Variants in TOPORS observed in about 807,000 individuals in gnomAD.
TOPORS encodes TOP1 binding arginine/serine rich protein, E3 ubiquitin ligase, also known as E3 ubiquitin-protein ligase Topors.
Under a neutral mutation model 81.4 loss-of-function variants are expected in TOPORS, and 25 were observed. That is an observed-to-expected ratio of 0.31 (90% CI 0.22 to 0.43). The LOEUF (loss-of-function observed/expected upper bound fraction) is 0.43. Among genes scored for constraint, TOPORS ranks in the 20% least tolerant of loss-of-function variants. The pLI, the probability that TOPORS is intolerant of heterozygous loss-of-function variation, is 1.00. For synonymous variants in TOPORS, 473 were observed against 456.6 expected (o/e 1.04, Z -0.46); for missense variants, 1,101 against 1,267.0 (o/e 0.87, Z 1.99).
rs774228482 is a variant in TOPORS at position 32,543,571 on chromosome 9, G to A, written c.954C>T (p.Val318=). The change falls in exon 3 of 3, where the codon GTC becomes GTT. Residue 318 remains valine (V), a synonymous_variant. Transcript: ENST00000360538. This position sits in a 1 kb window ranked among gnomAD's most constrained non-coding sequence, Gnocchi z 5.6. Reference sequence around the variant, plus strand: ...TAACATTACTCATGATAATATGCTGGACAATATTCACTAAAGATCCATGAG... The same window carrying A: ...TAACATTACTCATGATAATATGCTGAACAATATTCACTAAAGATCCATGAG... The part of the protein sequence containing the change: ...FGAHGSLVNI[V]QHIIMSNVTR... 1 of 1,613,470 alleles carries A rather than the reference G, an allele frequency of 6.2e-7. No homozygotes were observed. Among genetic ancestry groups the A allele is most frequent in the Non-Finnish European group, 8.5e-7 (1 of 1,179,824 alleles).
chr9:32,542,492 C>T lies in TOPORS; in HGVS notation c.2033G>A (p.Gly678Asp). ...ATTTCTGCTCCGTGATCTTCTTTTA[C>T]CATGATCACTGCTACGAGACCTTGA... ...SRSRSRSSDH[G>D]KRRSRSRNRD... The change falls in exon 3 of 3, where the codon GGT becomes GAT. Residue 678 changes from glycine to aspartate, a missense_variant. Gly to Asp is a moderately conservative substitution (Grantham distance 94). Around this residue, in one of 9 missense-constraint regions of TOPORS, gnomAD observed 605 missense variants for 636.1 expected, o/e 0.95. Transcript: ENST00000360538. 6.2e-7 allele frequency: 1 copy of T among 1,613,884 alleles called. No individual in the cohort carries two copies. Among genetic ancestry groups the T allele is most frequent in the East Asian group, 2.2e-5 (1 of 44,860 alleles).
intron 2 of TOPORS, among the ~76,000 whole-genome samples, chr9:32,547,536 T>G (rs1821155728): frequency 6.6e-6 from 1 of 152,172 alleles, no homozygotes; most frequent in South Asian, 2.1e-4. Flanking sequence ...AACAAAGTAC[T>G]GGTACCATGT....
intron 1 of TOPORS, 168 bp downstream of exon 1, chr9:32,552,263 GCCC>G (rs771741214): frequency 1.2e-6 from 1 of 853,074 alleles, no homozygotes; most frequent in African/African-American, 1.7e-5. Context: ...ACGTGATACC[GCCC>G]CCCAACTCCG....
intron 2 of TOPORS, 33 bp from the exon 3 acceptor site, chr9:32,544,359 G>T (rs1821115293): frequency 6.3e-7 from 1 of 1,587,840 alleles, no homozygotes; most frequent in Admixed American, 1.7e-5. Context: ...TCAGTAACCT[G>T]ATAATAGAGG....
At position 32,541,978 on chromosome 9, in the gene TOPORS, T is replaced by C. The variant is rs150650712; in HGVS notation, c.2547A>G (p.Ser849=). 1.5e-4 allele frequency: 235 copies of C among 1,613,838 alleles called. 1 individual carries two copies. In the African/African-American group the frequency reaches 3.0e-3, roughly 20 times the overall value. The change falls in exon 3 of 3, where the codon TCA becomes TCG. Residue 849 remains serine, a synonymous_variant. Coordinates refer to ENST00000360538, the MANE Select transcript of TOPORS (RefSeq NM_005802.5). ...ESDTFSDSRS[S]DRETKHKRRK... ...TCCTTTTGTGTTTTGTCTCTCTGTCTGATGATCGGCTGTCTGAAAAGGTAT... is the reference window on the plus strand; with the variant it reads ...TCCTTTTGTGTTTTGTCTCTCTGTCCGATGATCGGCTGTCTGAAAAGGTAT...
At position 32,542,550 on chromosome 9, in the gene TOPORS, T is replaced by TA; in HGVS notation, c.1974_1975insT (p.Thr659TyrfsTer6). The stretch of plus-strand genomic sequence containing the variant: ...GTGCTTTCACTACTTAGAGACAGAG[T>TA]TTGGCTTCTTCTGGACCAACTGCTA... On this transcript the variant is annotated frameshift_variant, in exon 3 of 3. Coordinates refer to ENST00000360538, the MANE Select transcript of TOPORS (RefSeq NM_005802.5). LOFTEE classifies it high-confidence loss of function. The TA allele has an allele frequency of 6.2e-7, 1 of 1,614,036 alleles. No individual in the cohort carries two copies. Among genetic ancestry groups the TA allele is most frequent in the Non-Finnish European group, 8.5e-7 (1 of 1,180,014 alleles).
At position 32,550,925 on chromosome 9, in the gene TOPORS, C is replaced by A; in HGVS notation, c.47G>T (p.Gly16Val). 6.2e-7 allele frequency: 1 copy of A among 1,612,604 alleles called. No homozygotes were observed. Among genetic ancestry groups the A allele is most frequent in the Non-Finnish European group, 8.5e-7 (1 of 1,179,808 alleles). ...PLGSPLSREEGEAPPPAPASE... is the reference protein window; with the variant it reads ...PLGSPLSREEVEAPPPAPASE... ...AGCGGGAGCAGGCGGGGGCGCTTCA[C>A]CCTCCTCGCGAGACAGCGGAGACCC... The change falls in exon 2 of 3, where the codon GGT (glycine) becomes GTT (valine). Residue 16 changes from glycine (G) to valine (V), a missense_variant. By Grantham distance (109) the Gly-to-Val change is moderately radical. This residue lies in a region of TOPORS where 131 missense variants were observed against 101.0 expected (regional missense o/e 1.30). Transcript: ENST00000360538.
At chr9:32,551,092 ACGCCG>A in intron 1 of TOPORS, 124 bp from the exon 2 acceptor site, 1 of 1,219,420 alleles carries the variant, frequency 8.2e-7, no homozygotes, top group South Asian at 1.3e-5. Context: ...CAGCAGATGG[ACGCCG>A]GCCTCGGGGG....
rs1004231099 is a variant in TOPORS, at chr9:32,543,855, C to A, written c.670G>T (p.Asp224Tyr). ...CTCATAAACTGAGGAATTTCAACAT[C>A]TCTAGGTCTTGTTGAAATGCCTAAC... The part of the protein sequence containing the change: ...EGLGISTRPR[D>Y]VEIPQFMRQI... The change falls in exon 3 of 3, where the codon GAT (aspartate) becomes TAT (tyrosine). Residue 224 changes from aspartate (D) to tyrosine (Y), a missense_variant. Asp to Tyr is a radical substitution (Grantham distance 160). Transcript: ENST00000360538. This position sits in a 1 kb window ranked among gnomAD's most constrained non-coding sequence, Gnocchi z 5.6. 3.7e-6 allele frequency: 6 copies of A among 1,614,088 alleles called. No individual in the cohort carries two copies. Among genetic ancestry groups the A allele is most frequent in the Admixed American group, 1.7e-5 (1 of 60,012 alleles).
chr9:32,542,480 G>A lies in TOPORS; in HGVS notation c.2045C>T (p.Ser682Leu), dbSNP rs930218450. Residue 682 changes from serine (S) to leucine (L), a missense_variant, in exon 3 of 3, where the codon TCA (serine) becomes TTA (leucine). Around this residue, in one of 9 missense-constraint regions of TOPORS, gnomAD observed 605 missense variants for 636.1 expected, o/e 0.95. Transcript: ENST00000360538. ...ATAACGATCTCTATTTCTGCTCCGT[G>A]ATCTTCTTTTACCATGATCACTGCT... The part of the protein sequence containing the change: ...SRSSDHGKRR[S>L]RSRNRDRYYL... 1 of 1,613,722 alleles carries A rather than the reference G, an allele frequency of 6.2e-7. No homozygotes were observed. Among genetic ancestry groups the A allele is most frequent in the Non-Finnish European group, 8.5e-7 (1 of 1,180,012 alleles).
intron 2 of TOPORS, 128 bp from the exon 3 acceptor site, chr9:32,544,454 G>A: frequency 2.1e-6 from 2 of 946,286 alleles, no homozygotes; most frequent in South Asian, 3.3e-5. Flanking sequence ...CATTACTTTT[G>A]TTTTATTTTA....
At chr9:32,551,751 C>A in intron 1 of TOPORS, 1 of 441,708 alleles carries the variant, frequency 2.3e-6, no homozygotes. Context: ...CGCGGCAGTT[C>A]AAGAACATCA....
intron 2 of TOPORS, among the ~76,000 whole-genome samples, chr9:32,544,917 T>A (rs1190827652): frequency 6.6e-6 from 1 of 152,212 alleles, no homozygotes; most frequent in East Asian, 1.9e-4. Flanking sequence ...CCACTAACAA[T>A]ACAGACTACT....
At chr9:32,546,199 G>A (rs1046532354) in intron 2 of TOPORS, among the ~76,000 whole-genome samples, 2 of 152,300 alleles carry the variant, frequency 1.3e-5, no homozygotes, top group African/African-American at 2.4e-5. Flanking sequence ...ACATAATACT[G>A]CTTTTTTGTT....
At chr9:32,550,627 G>GGGGCCC in intron 2 of TOPORS, 147 bp downstream of exon 2, 4 of 852,000 alleles carry the variant, frequency 4.7e-6, no homozygotes, top group Non-Finnish European at 7.2e-6. Context: ...GAGCCGCTCG[G>GGGGCCC]GGGCCCTGGC....
In TOPORS at chr9:32,541,611, T is replaced by G. The variant is rs1159973667; in HGVS notation, c.2914A>C (p.Ser972Arg). ...LDKECDIATL[S>R]NNLNNANKTV... ...TTGTTGGCATTATTCAAGTTGTTAC[T>G]AAGTGTGGCAATATCACATTCCTTG... Residue 972 changes from serine (S) to arginine (R), a missense_variant, in exon 3 of 3, where the codon AGT becomes CGT. Transcript: ENST00000360538. 2 of 1,614,208 alleles carry G rather than the reference T, an allele frequency of 1.2e-6. No individual in the cohort carries two copies. The highest frequency in any genetic ancestry group is 2.2e-5 in the South Asian group (2 of 91,082).
chr9:32,541,254 A>AG lies in TOPORS; in HGVS notation c.*132_*133insC. On this transcript the variant is annotated 3_prime_UTR_variant, in exon 3 of 3. Transcript: ENST00000360538. The stretch of plus-strand genomic sequence containing the variant: ...ATTTTTACAAATTAACACCAAAAAA[A>AG]AAATCATTTAAAATATTGTAAGGAG... 7.5e-6 allele frequency: 7 copies of AG among 931,180 alleles called. No individual in the cohort carries two copies. The highest frequency in any genetic ancestry group is 1.1e-5 in the Non-Finnish European group (7 of 629,008). The allele number at this position is 931,180 out of a possible 1,614,324, so 57.7% of individuals were successfully genotyped here.
At chr9:32,552,075 A>G (rs902276989) in intron 1 of TOPORS, among the ~76,000 whole-genome samples, 6 of 151,862 alleles carry the variant, frequency 4.0e-5, no homozygotes, top group African/African-American at 1.5e-4. Flanking sequence ...TGTTTTTCAA[A>G]TTAACTTTTA....
chr9:32,546,895 C>A (rs765041564), intron 2 of TOPORS, among the ~76,000 whole-genome samples: 1 of 152,064 alleles, frequency 6.6e-6, no homozygotes, highest in African/African-American at 2.4e-5. Flanking sequence ...TAATCTTAGC[C>A]GGGCATGATG....
Sources: allele counts gnomAD v4.1 joint callset (sites outside exome capture counted in the v4.1 genomes callset), GRCh38; gene constraint gnomAD v4.1.1; regional missense constraint gnomAD v4.1.1; non-coding constraint Gnocchi (gnomAD v3.1); transcripts MANE v1.5; gene names NCBI Gene and HGNC (gene_info 2026-07-23, HGNC 2026-07-21).